The following RAP1GAP2 variants were observed in gnomAD, a reference collection of about 807,000 sequenced individuals.
The protein encoded by RAP1GAP2 is RAP1 GTPase activating protein 2.
Under a neutral mutation model 95.0 loss-of-function variants are expected in RAP1GAP2, and 27 were observed. The ratio of observed to expected loss-of-function variants is 0.28; its 90% confidence interval spans 0.21 to 0.39. RAP1GAP2 has a LOEUF of 0.39. Among genes scored for constraint, RAP1GAP2 ranks in the 10% least tolerant of loss-of-function variants. The probability of loss-of-function intolerance (pLI) is 1.00; values close to 1 mark genes in which losing one functional copy is unlikely to be tolerated. For missense variants in RAP1GAP2, 771 were observed against 970.0 expected (o/e 0.79, Z 2.72); for synonymous variants, 373 against 380.9 (o/e 0.98, Z 0.24).
intron 2 of RAP1GAP2, among the ~76,000 whole-genome samples, chr17:2,899,283 C>T (rs2041945072): frequency 2.6e-5 from 4 of 152,178 alleles, no homozygotes; most frequent in African/African-American, 9.7e-5. Context: ...CGGCTCACTG[C>T]AAGCTCCGCC....
At chr17:2,789,896 C>A (rs374280793) in intron 1 of RAP1GAP2, among the ~76,000 whole-genome samples, 7 of 151,916 alleles carry the variant, frequency 4.6e-5, no homozygotes, top group African/African-American at 1.7e-4. Flanking sequence ...CTGCCATCAT[C>A]TTGCTTTTCA....
rs1379559774 is a variant in RAP1GAP2, at chr17:2,796,853, T to C, written c.44+282T>C. Among the ~76,000 whole-genome samples the C allele has an allele frequency of 6.6e-6, 1 of 150,600 alleles. No individual in the cohort carries two copies. The highest frequency in any genetic ancestry group is 1.5e-5 in the Non-Finnish European group (1 of 68,006). On this transcript the variant is annotated intron_variant, in intron 1 of 24. Coordinates refer to ENST00000254695, the MANE Select transcript of RAP1GAP2 (RefSeq NM_015085.5). The surrounding 1 kb of genome is among the most constrained non-coding windows in gnomAD (Gnocchi z 4.7). ...ATGAGTGTGACTGCAGTTGAATGTGTGTGTCTCTGTGTCCGCAGGTTCCCA... is the reference window on the plus strand; with the variant it reads ...ATGAGTGTGACTGCAGTTGAATGTGCGTGTCTCTGTGTCCGCAGGTTCCCA...
At chr17:2,928,960 T>G (rs758315983) in intron 3 of RAP1GAP2, among the ~76,000 whole-genome samples, 2 of 152,012 alleles carry the variant, frequency 1.3e-5, no homozygotes, top group Non-Finnish European at 2.9e-5. Context: ...CTGTCTGGGT[T>G]CAGTGGCTCA....
At chr17:2,881,304 G>GAGC (rs2073281134) in intron 2 of RAP1GAP2, among the ~76,000 whole-genome samples, 1 of 151,590 alleles carries the variant, frequency 6.6e-6, no homozygotes, top group Non-Finnish European at 1.5e-5. Context: ...CATTTCCTTT[G>GAGC]AGCACCATGT....
intron 2 of RAP1GAP2, among the ~76,000 whole-genome samples, chr17:2,809,859 A>G (rs1360649261): frequency 6.6e-6 from 1 of 152,192 alleles, no homozygotes; most frequent in Non-Finnish European, 1.5e-5. Flanking sequence ...GGGCCCAAGC[A>G]GCCCTCAGGG....
intron 1 of RAP1GAP2, among the ~76,000 whole-genome samples, chr17:2,780,527 T>C (rs931860396): frequency 7.9e-5 from 12 of 152,196 alleles, no homozygotes; most frequent in African/African-American, 2.9e-4. Flanking sequence ...CTTGTCTGCC[T>C]ACCCTCTCCC....
At chr17:2,920,565 C>T (rs1471368763) in intron 3 of RAP1GAP2, among the ~76,000 whole-genome samples, 3 of 152,234 alleles carry the variant, frequency 2.0e-5, no homozygotes, top group African/African-American at 7.2e-5. Flanking sequence ...TGACATCGTG[C>T]AGTTCAGTCA....
chr17:2,975,554 C>T (rs2045072617), intron 8 of RAP1GAP2, among the ~76,000 whole-genome samples: 1 of 152,244 alleles, frequency 6.6e-6, no homozygotes, highest in African/African-American at 2.4e-5. Context: ...CCTGATGTTT[C>T]CTGTGGCTAG....
chr17:2,842,238 A>C (rs1343095352), intron 2 of RAP1GAP2, among the ~76,000 whole-genome samples: 1 of 152,138 alleles, frequency 6.6e-6, no homozygotes, highest in Non-Finnish European at 1.5e-5. Flanking sequence ...TTTTCTAAAA[A>C]GTCTTTTAAA....
At chr17:2,773,338 T>G (rs181854140), upstream of RAP1GAP2, among the ~76,000 whole-genome samples, 217 of 152,344 alleles carry the variant, frequency 1.4e-3, no homozygotes, top group Non-Finnish European at 2.3e-3. Context: ...CTTTTCTGAT[T>G]AGTTTTCTAG....
intron 3 of RAP1GAP2, among the ~76,000 whole-genome samples, chr17:2,919,412 C>T (rs2042677331): frequency 6.6e-6 from 1 of 152,322 alleles, no homozygotes; most frequent in Middle Eastern, 3.4e-3. Flanking sequence ...CTGGGAGCGT[C>T]CCAAGGCTGG....
intron 3 of RAP1GAP2, among the ~76,000 whole-genome samples, chr17:2,919,629 TG>T (rs1248637116): frequency 1.3e-5 from 2 of 152,270 alleles, no homozygotes; most frequent in South Asian, 2.1e-4. Context: ...GCCCATGGTC[TG>T]GGGGGTCTGG....
chr17:3,030,115 A>G (rs1477542444), intron 22 of RAP1GAP2, among the ~76,000 whole-genome samples: 2 of 147,522 alleles, frequency 1.4e-5, no homozygotes, highest in Non-Finnish European at 1.5e-5. Flanking sequence ...ACATATATGT[A>G]TATATTATAT....
chr17:2,895,599 C>T (rs149803668), intron 2 of RAP1GAP2, among the ~76,000 whole-genome samples: 2,506 of 150,098 alleles, frequency 0.017, 37 homozygotes, highest in Non-Finnish European at 0.029. Flanking sequence ...TTTTTTGAGA[C>T]GGGGTCTTGC....
chr17:2,893,642 G>A (rs1470461004), intron 2 of RAP1GAP2, among the ~76,000 whole-genome samples: 1 of 152,242 alleles, frequency 6.6e-6, no homozygotes, highest in Non-Finnish European at 1.5e-5. Context: ...GCTTTTGTGA[G>A]TGGTTTCTGA....
chr17:2,764,646 G>A (rs767322674), intron 1 of RAP1GAP2, among the ~76,000 whole-genome samples: 3 of 152,096 alleles, frequency 2.0e-5, no homozygotes, highest in Non-Finnish European at 4.4e-5. Flanking sequence ...GCTTGAACCT[G>A]GGAGGTGGAG....
intron 1 of RAP1GAP2, among the ~76,000 whole-genome samples, chr17:2,788,769 A>T (rs1192577850): frequency 6.6e-6 from 1 of 152,222 alleles, no homozygotes; most frequent in Non-Finnish European, 1.5e-5. Context: ...CAGCTCAGGC[A>T]GAGAATGAAC....
intron 1 of RAP1GAP2, among the ~76,000 whole-genome samples, chr17:2,755,937 C>G (rs1335971631): frequency 6.6e-6 from 1 of 151,908 alleles, no homozygotes; most frequent in African/African-American, 2.4e-5. Context: ...CCCTCCGGTC[C>G]CCACCACCCC....
chr17:2,762,674 G>A (rs928983028), intron 1 of RAP1GAP2, among the ~76,000 whole-genome samples: 2 of 151,130 alleles, frequency 1.3e-5, no homozygotes, highest in Non-Finnish European at 2.9e-5. Flanking sequence ...GTGCTATGCT[G>A]GAATTACGTG....
Sources: gnomAD v4.1 joint callset for allele counts (sites outside exome capture counted in the v4.1 genomes callset) on GRCh38, gnomAD v4.1.1 for gene constraint, Gnocchi (gnomAD v3.1) non-coding constraint, MANE v1.5 for transcripts, NCBI Gene and HGNC (gene_info 2026-07-23, HGNC 2026-07-21) for gene names.